Variants in WDR12 observed in about 807,000 individuals in gnomAD.
WDR12 encodes ribosome biogenesis protein WDR12.
In WDR12, 42 loss-of-function variants were observed where a neutral mutation model predicts 64.3. That is an observed-to-expected ratio of 0.65 (90% CI 0.51 to 0.84). WDR12 has a LOEUF of 0.84. Ranked by LOEUF, WDR12 falls within the 40% of genes least tolerant of loss-of-function variation. WDR12 has a pLI of 0.00. For synonymous variants in WDR12, 158 were observed against 173.3 expected, an observed-to-expected ratio of 0.91 and a Z score of 0.70; for missense variants, 469 against 494.6, an observed-to-expected ratio of 0.95 and a Z score of 0.49.
At chr2:202,894,532 T>A (rs780509835) in intron 7 of WDR12, 49 bp downstream of exon 7, 1 of 1,524,772 alleles carries the variant, frequency 6.6e-7, no homozygotes, top group East Asian at 2.3e-5. Context: ...CGAATTTAAA[T>A]TTTTGAAACA....
chr2:202,905,992 T>C (rs895933812), intron 2 of WDR12, among the ~76,000 whole-genome samples: 1 of 152,194 alleles, frequency 6.6e-6, no homozygotes, highest in Non-Finnish European at 1.5e-5. Context: ...GTCAATAATT[T>C]AATTATACAT....
At chr2:202,908,992 T>C (rs1287416977) in intron 1 of WDR12, among the ~76,000 whole-genome samples, 1 of 152,216 alleles carries the variant, frequency 6.6e-6, no homozygotes, top group Non-Finnish European at 1.5e-5. Context: ...CAATGAAATA[T>C]AATTTCACAT....
intron 8 of WDR12, 99 bp from the exon 9 acceptor site, chr2:202,884,634 A>C: frequency 7.9e-7 from 1 of 1,263,876 alleles, no homozygotes; most frequent in Non-Finnish European, 1.1e-6. Context: ...TGACAGAGAC[A>C]AACTGCCCAT....
At chr2:202,897,908 A>AAATAT (rs1466552102) in intron 4 of WDR12, among the ~76,000 whole-genome samples, 2 of 40,054 alleles carry the variant, frequency 5.0e-5, no homozygotes, top group Non-Finnish European at 9.9e-5. Context: ...AAAAAAAAAA[A>AAATAT]ATATATATAT....
intron 6 of WDR12, among the ~76,000 whole-genome samples, chr2:202,895,635 A>G (rs1023226936): frequency 1.5e-5 from 2 of 135,896 alleles, no homozygotes; most frequent in Non-Finnish European, 3.1e-5. Context: ...TGATTCTCCT[A>G]CCTCAGCCTC....
intron 8 of WDR12, among the ~76,000 whole-genome samples, chr2:202,891,542 G>A (rs972365126): frequency 5.3e-5 from 8 of 152,138 alleles, no homozygotes; most frequent in Non-Finnish European, 1.2e-4. Context: ...ATGTTTAAAT[G>A]TATTAAGAAA....
Position 202,876,824 on chromosome 2 carries a change from A to C in WDR12, c.*4036T>G, listed in dbSNP as rs1687866018. ...GTGACATGCGCCTGTGGTCCTAGTT[A>C]GGAGGATGAGGTGGGAGGATCCCTT... On this transcript the variant is annotated 3_prime_UTR_variant, in exon 13 of 13. Transcript: ENST00000261015. 1.3e-5 allele frequency: 2 copies of C among 152,308 alleles called. No individual in the cohort carries two copies. The highest frequency in any genetic ancestry group is 2.9e-5 in the Non-Finnish European group (2 of 68,060). 9.4% of individuals were successfully genotyped at this position (152,308 alleles called of 1,614,324 possible).
At chr2:202,900,649 C>T (rs1688332359) in intron 3 of WDR12, among the ~76,000 whole-genome samples, 1 of 151,984 alleles carries the variant, frequency 6.6e-6, no homozygotes. Context: ...TAACTTAACC[C>T]ATAGTTTTTA....
At chr2:202,888,712 A>G (rs2105904988) in intron 8 of WDR12, among the ~76,000 whole-genome samples, 1 of 152,090 alleles carries the variant, frequency 6.6e-6, no homozygotes, top group Non-Finnish European at 1.5e-5. Context: ...TAAAATCCAA[A>G]TTTTTCTTTG....
intron 1 of WDR12, 26 bp downstream of exon 1, chr2:202,911,410 G>C (rs1406752824): frequency 6.2e-7 from 1 of 1,612,970 alleles, no homozygotes; most frequent in Non-Finnish European, 8.5e-7. Flanking sequence ...CTGGGGAAGG[G>C]AGAGAAGGCT....
intron 5 of WDR12, among the ~76,000 whole-genome samples, 169 bp downstream of exon 5, chr2:202,897,130 AT>A (rs1369700331): frequency 2.0e-5 from 3 of 152,154 alleles, no homozygotes; most frequent in Non-Finnish European, 4.4e-5. Context: ...CAATTTATGA[AT>A]TTTTTATATA....
chr2:202,896,714 T>G (rs540365911), intron 5 of WDR12, among the ~76,000 whole-genome samples: 25 of 151,178 alleles, frequency 1.7e-4, no homozygotes, highest in Admixed American at 1.5e-3. Context: ...ACAGGCTGGG[T>G]GCAGTGGCTC....
chr2:202,877,067 T>C lies in WDR12; in HGVS notation c.*3793A>G, dbSNP rs1328356775. ...AAGAATTTTAGACTGTGTGAACAGATTTCAATGTTATTATCAGAAATTCCC... is the reference window on the plus strand; with the variant it reads ...AAGAATTTTAGACTGTGTGAACAGACTTCAATGTTATTATCAGAAATTCCC... On this transcript the variant is annotated 3_prime_UTR_variant, in exon 13 of 13. Transcript: ENST00000261015. The C allele has an allele frequency of 6.6e-6, 1 of 151,876 alleles. No individual in the cohort carries two copies. The highest frequency in any genetic ancestry group is 1.5e-5 in the Non-Finnish European group (1 of 67,994). 9.4% of individuals were successfully genotyped at this position (151,876 alleles called of 1,614,324 possible).
intron 6 of WDR12, among the ~76,000 whole-genome samples, chr2:202,895,112 G>A (rs186985719): frequency 4.0e-4 from 61 of 152,156 alleles, no homozygotes; most frequent in Middle Eastern, 3.4e-3. Flanking sequence ...AAAACTTTTC[G>A]GCTCAATATG....
rs180672452 is a variant in WDR12 at position 202,889,082 on chromosome 2, A to C, written c.741+3535T>G. Among the ~76,000 whole-genome samples the C allele has an allele frequency of 6.2e-3, 949 of 152,302 alleles. 7 individuals are homozygous for C. The highest frequency in any genetic ancestry group is 0.01 in the Non-Finnish European group (700 of 68,030). On this transcript the variant is annotated intron_variant, in intron 8 of 12. Coordinates refer to ENST00000261015, the MANE Select transcript of WDR12 (RefSeq NM_018256.4). ...GGTTTCTGGCATGACTTAAACTAAT[A>C]ATTTATGCATGTATAAATTTAAACC...
chr2:202,884,072 A>T, intron 10 of WDR12, 126 bp downstream of exon 10: 1 of 936,742 alleles, frequency 1.1e-6, no homozygotes, highest in Non-Finnish European at 1.6e-6. Context: ...CGGCCTCTCA[A>T]AGTGCTGGGA....
chr2:202,877,426 C>T lies in WDR12; in HGVS notation c.*3434G>A, dbSNP rs1687879293. 1 of 152,072 alleles carries T rather than the reference C, an allele frequency of 6.6e-6. No homozygotes were observed. The highest frequency in any genetic ancestry group is 1.5e-5 in the Non-Finnish European group (1 of 68,028). 9.4% of individuals were successfully genotyped at this position (152,072 alleles called of 1,614,324 possible). On this transcript the variant is annotated 3_prime_UTR_variant, in exon 13 of 13. Transcript: ENST00000261015. The stretch of plus-strand genomic sequence containing the variant: ...ACTTTGGGAGGTCCAGGTGGGCAGA[C>T]AGCTTGAGCCCAGGAGTTCAAGACC...
chr2:202,903,924 G>A (rs1344728474), intron 2 of WDR12, among the ~76,000 whole-genome samples: 1 of 151,976 alleles, frequency 6.6e-6, no homozygotes, highest in Admixed American at 6.6e-5. Context: ...GATCACCTGA[G>A]GTCAGGAGCT....
At chr2:202,905,006 A>G (rs1221727856) in intron 2 of WDR12, among the ~76,000 whole-genome samples, 2 of 152,240 alleles carry the variant, frequency 1.3e-5, no homozygotes, top group Non-Finnish European at 2.9e-5. Context: ...AAAATTGGGC[A>G]AAAGGTTTGA....
Sources: gnomAD v4.1 joint callset for allele counts (sites outside exome capture counted in the v4.1 genomes callset) on GRCh38, gnomAD v4.1.1 for gene constraint, MANE v1.5 for transcripts, NCBI Gene and HGNC (gene_info 2026-07-23, HGNC 2026-07-21) for gene names.